Variants in MYH14 observed in about 807,000 individuals in gnomAD.
MYH14 encodes the protein myosin heavy chain 14.
In MYH14, 123 loss-of-function variants were observed where a neutral mutation model predicts 255.5. That is an observed-to-expected ratio of 0.48 (90% CI 0.42 to 0.56). The LOEUF (loss-of-function observed/expected upper bound fraction) is 0.56. Ranked by LOEUF, MYH14 falls within the 20% of genes least tolerant of loss-of-function variation. MYH14 has a pLI of 0.00. For missense variants in MYH14, 2,423 were observed against 2,802.3 expected (o/e 0.86, Z 3.06); for synonymous variants, 1,095 against 1,161.2 (o/e 0.94, Z 1.16).
chr19:50,309,811 C>T lies in MYH14; in HGVS notation c.*21C>T, dbSNP rs2036797283. The T allele has an allele frequency of 1.3e-6, 2 of 1,490,506 alleles. No individual in the cohort carries two copies. Among genetic ancestry groups the T allele is most frequent in the Non-Finnish European group, 9.1e-7 (1 of 1,096,514 alleles). The allele number at this position is 1,490,506 out of a possible 1,614,324, so 92.3% of individuals were successfully genotyped here. A position where few individuals can be genotyped will look rare whatever the true frequency, so the allele number is the denominator to read the frequency against. ...AGTGACCCTACCCTGTCCCCAGATG[C>T]ACTAACAGATGGGGCCCAGCCCCCT... On this transcript the variant is annotated 3_prime_UTR_variant, in exon 43 of 43. Coordinates refer to ENST00000642316, the MANE Select transcript of MYH14 (RefSeq NM_001145809.2).
chr19:50,281,195 A>G (rs1308518000), intron 32 of MYH14, among the ~76,000 whole-genome samples: 1 of 152,078 alleles, frequency 6.6e-6, no homozygotes, highest in Non-Finnish European at 1.5e-5. Flanking sequence ...ATACTTCAAG[A>G]CCCATCTCAA....
Position 50,266,853 on chromosome 19 carries a change from T to C in MYH14, c.2695-24T>C, listed in dbSNP as rs1164041480. On this transcript the variant is annotated intron_variant, in intron 22 of 42. Coordinates refer to ENST00000642316, the MANE Select transcript of MYH14 (RefSeq NM_001145809.2). The surrounding 1 kb of genome is among the most constrained non-coding windows in gnomAD (Gnocchi z 4.1). ...GGTCTTGGCGCCTGAAGTCAGCCAT[T>C]CCACCCCTTTCACCTCCACCTAGGT... 3.2e-6 allele frequency: 5 copies of C among 1,551,302 alleles called. No individual in the cohort carries two copies. In the African/African-American group the frequency reaches 6.8e-5, roughly 21 times the overall value.
chr19:50,230,563 G>A lies in MYH14; in HGVS notation c.913G>A (p.Asp305Asn), dbSNP rs760641066. 14 of 1,571,868 alleles carry A rather than the reference G, an allele frequency of 8.9e-6. No homozygotes were observed. Among genetic ancestry groups the A allele is most frequent in the Admixed American group, 1.9e-5 (1 of 53,408 alleles). Residue 305 changes from aspartate to asparagine, a missense_variant, in exon 9 of 43, where the codon GAC (aspartate) becomes AAC (asparagine). This residue lies in a region of MYH14 where 672 missense variants were observed against 881.8 expected (regional missense o/e 0.76). Transcript: ENST00000642316. This position sits in a 1 kb window ranked among gnomAD's most constrained non-coding sequence, Gnocchi z 4.7. ...EKSRAIRQAK[D>N]ECSFHIFYQL... ...GTCGCGGGCCATCCGCCAGGCCAAGGACGAGTGCAGCTTCCACATCTTCTA... is the reference window on the plus strand; with the variant it reads ...GTCGCGGGCCATCCGCCAGGCCAAGAACGAGTGCAGCTTCCACATCTTCTA...
chr19:50,256,013 C>T (rs1254259693), intron 17 of MYH14, among the ~76,000 whole-genome samples: 1 of 151,568 alleles, frequency 6.6e-6, no homozygotes, highest in African/African-American at 2.4e-5. Flanking sequence ...TGCATTGGCT[C>T]ACCCCTATAA....
intron 19 of MYH14, 56 bp downstream of exon 19, chr19:50,259,321 G>A (rs1231594340): frequency 1.7e-5 from 26 of 1,545,336 alleles, no homozygotes; most frequent in South Asian, 4.8e-5. Flanking sequence ...ACCCGGGTCT[G>A]GAAGCCGACA....
intron 34 of MYH14, 111 bp from the exon 35 acceptor site, chr19:50,289,325 C>T: frequency 1.2e-6 from 1 of 852,930 alleles, no homozygotes; most frequent in Admixed American, 2.0e-5. Context: ...AGGATGGGCA[C>T]ACTGACTTGC....
At chr19:50,207,976 C>T (rs73932437) in intron 1 of MYH14, among the ~76,000 whole-genome samples, 5,762 of 152,266 alleles carry the variant, frequency 0.038, 213 homozygotes, top group African/African-American at 0.097. Flanking sequence ...CCCCCTTCCT[C>T]GCTCCTGTCA....
At chr19:50,269,046 C>G (rs530680875) in intron 24 of MYH14, among the ~76,000 whole-genome samples, 5 of 151,818 alleles carry the variant, frequency 3.3e-5, no homozygotes, top group Non-Finnish European at 5.9e-5. Flanking sequence ...CCAAGTTGTT[C>G]CAAACATGCT....
chr19:50,275,251 G>GC, intron 27 of MYH14, among the ~76,000 whole-genome samples: 1 of 152,222 alleles, frequency 6.6e-6, no homozygotes, highest in South Asian at 2.1e-4. Context: ...AGTTGGTGCT[G>GC]CCCCCAGATC....
intron 18 of MYH14, 44 bp from the exon 19 acceptor site, chr19:50,259,100 G>A: frequency 2.6e-6 from 4 of 1,529,464 alleles, no homozygotes; most frequent in Non-Finnish European, 2.6e-6. Flanking sequence ...TGGCGCCCCC[G>A]TGTGGCCGCC....
intron 34 of MYH14, 23 bp downstream of exon 34, chr19:50,286,717 G>C: frequency 6.5e-7 from 1 of 1,550,222 alleles, no homozygotes; most frequent in African/African-American, 1.4e-5. Context: ...CCCGCTCCCC[G>C]GGACACACTG....
chr19:50,273,025 T>C (rs1175461630), intron 27 of MYH14, among the ~76,000 whole-genome samples: 2 of 152,110 alleles, frequency 1.3e-5, no homozygotes, highest in African/African-American at 4.8e-5. Context: ...GTACGATGGC[T>C]CACACCTGTA....
At position 50,302,284 on chromosome 19, in the gene MYH14, T is replaced by TAA. The variant is rs57153887; in HGVS notation, c.5678+428_5678+429dup. ...GAGTAACAGTGGAAGACCTTGTCTC[T>TAA]AAAAAAAAAAAAAACAGCCAGGCAC... On this transcript the variant is annotated intron_variant, in intron 40 of 42. Transcript: ENST00000642316. Among the ~76,000 whole-genome samples, 71 of 117,356 alleles carry TAA rather than the reference T, an allele frequency of 6.0e-4. 2 individuals carry two copies. Among genetic ancestry groups the TAA allele is most frequent in the African/African-American group, 1.8e-3 (55 of 29,850 alleles). 77.0% of individuals were successfully genotyped at this position (117,356 alleles called of 152,430 possible).
intron 2 of MYH14, among the ~76,000 whole-genome samples, chr19:50,217,332 G>C (rs1480644558): frequency 6.6e-6 from 1 of 152,180 alleles, no homozygotes; most frequent in Non-Finnish European, 1.5e-5. Context: ...GTGAGTCCAG[G>C]CAGCCACAGG....
In MYH14 at chr19:50,307,079, C is replaced by T; in HGVS notation, c.5709C>T (p.Arg1903=). The T allele has an allele frequency of 6.4e-7, 1 of 1,551,180 alleles. No individual in the cohort carries two copies. Residue 1903 remains arginine, a synonymous_variant, in exon 41 of 43, where the codon CGC becomes CGT. Coordinates refer to ENST00000642316, the MANE Select transcript of MYH14 (RefSeq NM_001145809.2). Reference sequence around the variant, plus strand: ...GCATCCTCTCTGGAAAGCTGGTGCGCAGAGCTGAGAAGCGGCTTAAAGAGG... The same window carrying T: ...GCATCCTCTCTGGAAAGCTGGTGCGTAGAGCTGAGAAGCGGCTTAAAGAGG... The part of the protein sequence containing the change: ...RERILSGKLV[R]RAEKRLKEVV...
chr19:50,239,207 C>T (rs945264971), intron 10 of MYH14, among the ~76,000 whole-genome samples: 2 of 152,052 alleles, frequency 1.3e-5, no homozygotes, highest in Admixed American at 6.5e-5. Flanking sequence ...TTAGCAGAGA[C>T]GGGGTTTCTC....
Position 50,293,134 on chromosome 19 carries a change from A to T in MYH14, c.5257-99A>T. ...GTTACCCAGGGACAGCATGAGAAAA[A>T]AGCCAAGAGCCTTGAGGTGTGAGGG... On this transcript the variant is annotated intron_variant, in intron 37 of 42. Coordinates refer to ENST00000642316, the MANE Select transcript of MYH14 (RefSeq NM_001145809.2). This position sits in a 1 kb window ranked among gnomAD's most constrained non-coding sequence, Gnocchi z 4.1. 1.2e-6 allele frequency: 1 copy of T among 849,854 alleles called. No homozygotes were observed. Among genetic ancestry groups the T allele is most frequent in the Admixed American group, 2.0e-5 (1 of 49,046 alleles). The allele number at this position is 849,854 out of a possible 1,614,324, so 52.6% of individuals were successfully genotyped here. A position where few individuals can be genotyped will look rare whatever the true frequency, so the allele number is the denominator to read the frequency against.
chr19:50,245,412 T>G (rs2034063520), intron 11 of MYH14, among the ~76,000 whole-genome samples: 1 of 102,468 alleles, frequency 9.8e-6, no homozygotes, highest in African/African-American at 3.7e-5. Flanking sequence ...GGAGCAAGAA[T>G]CTGTCTCCAA....
rs760368768 is a variant in MYH14 at position 50,286,576 on chromosome 19, C to T, written c.4634C>T (p.Ser1545Leu). ...EGREREARAL[S>L]LTRALEEEQE... ...CGGGAGCGTGAGGCTCGGGCCCTGTCACTGACACGGGCACTGGAGGAGGAG... is the reference window on the plus strand; with the variant it reads ...CGGGAGCGTGAGGCTCGGGCCCTGTTACTGACACGGGCACTGGAGGAGGAG... The change falls in exon 34 of 43, where the codon TCA (serine) becomes TTA (leucine). Residue 1545 changes from serine to leucine, a missense_variant. Physicochemically the swap from Ser to Leu is moderately radical, Grantham distance 145. Coordinates refer to ENST00000642316, the MANE Select transcript of MYH14 (RefSeq NM_001145809.2). 1 of 1,609,832 alleles carries T rather than the reference C, an allele frequency of 6.2e-7. No homozygotes were observed. Among genetic ancestry groups the T allele is most frequent in the Non-Finnish European group, 8.5e-7 (1 of 1,178,400 alleles).
Sources: gnomAD v4.1 joint callset for allele counts (sites outside exome capture counted in the v4.1 genomes callset) on GRCh38, gnomAD v4.1.1 for gene constraint, gnomAD v4.1.1 regional missense constraint, Gnocchi (gnomAD v3.1) non-coding constraint, MANE v1.5 for transcripts, NCBI Gene and HGNC (gene_info 2026-07-23, HGNC 2026-07-21) for gene names.